Variants in FHIT observed in about 807,000 individuals in gnomAD.
FHIT encodes bis(5'-adenosyl)-triphosphatase.
FHIT carries 19 observed loss-of-function variants against 17.9 expected under a neutral mutation model. That is an observed-to-expected ratio of 1.06 (90% confidence interval 0.74 to 1.56). The LOEUF is 1.56. Ranked by LOEUF, FHIT falls within the 40% of genes most tolerant of loss-of-function variation. FHIT has a pLI of 0.00. For missense variants in FHIT, 248 were observed against 189.2 expected, an observed-to-expected ratio of 1.31 and a Z score of -1.82; for synonymous variants, 81 against 69.7, an observed-to-expected ratio of 1.16 and a Z score of -0.81.
At chr3:60,317,132 G>C (rs897215891) in intron 5 of FHIT, among the ~76,000 whole-genome samples, 1 of 151,992 alleles carries the variant, frequency 6.6e-6, no homozygotes, top group Non-Finnish European at 1.5e-5. Context: ...ACATTCTTAG[G>C]TTCAAACTGT....
intron 3 of FHIT, among the ~76,000 whole-genome samples, chr3:60,882,517 C>T (rs552050999): frequency 6.6e-6 from 1 of 152,126 alleles, no homozygotes; most frequent in Non-Finnish European, 1.5e-5. Flanking sequence ...AGAACATTCA[C>T]CATGATCAAG....
intron 4 of FHIT, among the ~76,000 whole-genome samples, chr3:60,710,528 G>A (rs1553704765): frequency 6.6e-6 from 1 of 152,216 alleles, no homozygotes; most frequent in Non-Finnish European, 1.5e-5. Context: ...TCAAGGAAAG[G>A]GGTGACAGAC....
At chr3:60,008,377 C>G (rs17061755) in intron 7 of FHIT, among the ~76,000 whole-genome samples, 3,912 of 152,140 alleles carry the variant, frequency 0.026, 144 homozygotes, top group African/African-American at 0.088. Context: ...TAAGAGGTCA[C>G]TTTTTTACTT....
chr3:59,893,349 T>G (rs1172495180), intron 8 of FHIT, among the ~76,000 whole-genome samples: 1 of 152,184 alleles, frequency 6.6e-6, no homozygotes, highest in African/African-American at 2.4e-5. Context: ...TCCCTTCAGC[T>G]TTCAGGTTTT....
At chr3:61,184,497 T>G (rs1312001448) in intron 2 of FHIT, among the ~76,000 whole-genome samples, 1 of 152,038 alleles carries the variant, frequency 6.6e-6, no homozygotes, top group Non-Finnish European at 1.5e-5. Flanking sequence ...TTGAGGTGCT[T>G]CAGGGTCAGA....
chr3:61,102,143 G>A (rs890720134), intron 2 of FHIT, among the ~76,000 whole-genome samples: 1 of 152,168 alleles, frequency 6.6e-6, no homozygotes, highest in Non-Finnish European at 1.5e-5. Flanking sequence ...AGTTTTCAAA[G>A]GGAATGCTTC....
chr3:60,668,371 GAAAAA>G lies in FHIT; in HGVS notation c.-17-131397_-17-131393del, dbSNP rs60941309. 2.6e-3 allele frequency among the ~76,000 whole-genome samples: 175 copies of G among 68,010 alleles called. 3 individuals carry two copies. Among genetic ancestry groups the G allele is most frequent in the Admixed American group, 9.5e-3 (47 of 4,968 alleles). 44.6% of individuals were successfully genotyped at this position (68,010 alleles called of 152,430 possible). ...TCCAGAGGGACATCCGCTCAATCAG[GAAAAA>G]AAAAAAAAAAAAAAAAAAAAATCAG... On this transcript the variant is annotated intron_variant, in intron 4 of 9. Transcript: ENST00000492590.
chr3:60,212,321 C>T (rs9813412), intron 5 of FHIT, among the ~76,000 whole-genome samples: 4,200 of 152,126 alleles, frequency 0.028, 184 homozygotes, highest in African/African-American at 0.092. Flanking sequence ...GCAGCCAGGA[C>T]GCCAAGTGGT....
chr3:60,603,924 A>G (rs2038525311), intron 4 of FHIT, among the ~76,000 whole-genome samples: 1 of 152,094 alleles, frequency 6.6e-6, no homozygotes, highest in African/African-American at 2.4e-5. Flanking sequence ...ACCATACTTT[A>G]TAGGTATTTT....
At chr3:60,052,382 G>C (rs779171615) in intron 5 of FHIT, among the ~76,000 whole-genome samples, 26 of 152,196 alleles carry the variant, frequency 1.7e-4, no homozygotes, top group Non-Finnish European at 3.1e-4. Flanking sequence ...GGGAATCCTA[G>C]AGTCCTTAGA....
intron 3 of FHIT, among the ~76,000 whole-genome samples, chr3:60,867,166 A>G (rs1333154402): frequency 6.6e-6 from 1 of 152,180 alleles, no homozygotes; most frequent in Non-Finnish European, 1.5e-5. Flanking sequence ...TAAATTAAAT[A>G]AAATCAGCAA....
chr3:60,363,035 G>T (rs1347928207), intron 5 of FHIT, among the ~76,000 whole-genome samples: 1 of 152,110 alleles, frequency 6.6e-6, no homozygotes, highest in Non-Finnish European at 1.5e-5. Flanking sequence ...GTTCAAATGT[G>T]GATGTTCATT....
chr3:60,818,211 C>T (rs1196622002), intron 4 of FHIT, among the ~76,000 whole-genome samples: 1 of 152,048 alleles, frequency 6.6e-6, no homozygotes, highest in African/African-American at 2.4e-5. Flanking sequence ...TGTTAATTCC[C>T]ACATTTGGCT....
At chr3:59,945,570 G>A (rs1157931368) in intron 7 of FHIT, among the ~76,000 whole-genome samples, 1 of 150,654 alleles carries the variant, frequency 6.6e-6, no homozygotes, top group African/African-American at 2.4e-5. Flanking sequence ...ATTGCTTTTG[G>A]CATCTTTGTC....
At chr3:60,695,580 C>T (rs1489531786) in intron 4 of FHIT, among the ~76,000 whole-genome samples, 1 of 152,082 alleles carries the variant, frequency 6.6e-6, no homozygotes, top group African/African-American at 2.4e-5. Context: ...GGGGATAATA[C>T]TGTTACCTCA....
At chr3:60,913,087 C>T (rs1184159950) in intron 3 of FHIT, among the ~76,000 whole-genome samples, 3 of 152,176 alleles carry the variant, frequency 2.0e-5, no homozygotes, top group Non-Finnish European at 4.4e-5. Flanking sequence ...TTAATGATTG[C>T]CACAAAGCAT....
chr3:59,925,493 T>C (rs776575304), intron 7 of FHIT, among the ~76,000 whole-genome samples: 2 of 152,162 alleles, frequency 1.3e-5, no homozygotes, highest in South Asian at 2.1e-4. Context: ...CCTGTTAGTA[T>C]CCACTACTAA....
chr3:59,817,773 T>C (rs892517271), intron 8 of FHIT, among the ~76,000 whole-genome samples: 4 of 152,058 alleles, frequency 2.6e-5, no homozygotes, highest in African/African-American at 9.7e-5. Context: ...CCAATCCAGA[T>C]TCCTTCTTTA....
At chr3:60,691,509 G>A (rs1165570529) in intron 4 of FHIT, among the ~76,000 whole-genome samples, 1 of 151,768 alleles carries the variant, frequency 6.6e-6, no homozygotes, top group African/African-American at 2.4e-5. Context: ...AGCTGGGACT[G>A]CAGGTGTGTG....
Sources: gnomAD v4.1 joint callset for allele counts (sites outside exome capture counted in the v4.1 genomes callset) on GRCh38, gnomAD v4.1.1 for gene constraint, MANE v1.5 for transcripts, NCBI Gene and HGNC (gene_info 2026-07-23, HGNC 2026-07-21) for gene names.